PDE7B: variants seen among roughly 807,000 people sequenced by gnomAD.
The protein encoded by PDE7B is 3',5'-cyclic-AMP phosphodiesterase 7B.
A neutral mutation model predicts 56.2 loss-of-function variants in PDE7B; 29 were observed. The ratio of observed to expected loss-of-function variants is 0.52; its 90% CI spans 0.38 to 0.70. PDE7B has a LOEUF of 0.70. Among genes scored for constraint, PDE7B ranks in the 30% least tolerant of loss-of-function variants. The pLI is 0.00. For synonymous variants in PDE7B, 197 were observed against 196.9 expected (o/e 1.00, Z 0.00); for missense variants, 490 against 565.0 (o/e 0.87, Z 1.35).
rs188123216 is a variant in PDE7B at position 135,935,119 on chromosome 6, G to T, written c.22-12345G>T. Among the ~76,000 whole-genome samples, 519 of 89,102 alleles carry T rather than the reference G, an allele frequency of 5.8e-3. 29 individuals are homozygous for T. The highest frequency in any genetic ancestry group is 0.024 in the African/African-American group (470 of 19,374). The allele number at this position is 89,102 out of a possible 152,430, so 58.5% of individuals were successfully genotyped here. The stretch of plus-strand genomic sequence containing the variant: ...TATATTTCTCTATATATTTTATATA[G>T]AGAGAGATGAAGTATATATTTATAT... On this transcript the variant is annotated intron_variant, in intron 1 of 12. Coordinates refer to ENST00000308191, the MANE Select transcript of PDE7B (RefSeq NM_018945.4).
At chr6:136,006,272 G>C (rs1350270778) in intron 2 of PDE7B, among the ~76,000 whole-genome samples, 13 of 150,958 alleles carry the variant, frequency 8.6e-5, no homozygotes, top group Admixed American at 8.6e-4. Context: ...GAGTTAATGG[G>C]TGCAGCACAC....
intron 8 of PDE7B, among the ~76,000 whole-genome samples, chr6:136,170,461 C>T (rs1438058438): frequency 6.6e-6 from 1 of 152,066 alleles, no homozygotes; most frequent in Non-Finnish European, 1.5e-5. Flanking sequence ...CCTGTTCCTC[C>T]CTCCCCTTAG....
chr6:135,936,659 TC>T (rs1347141505), intron 1 of PDE7B, among the ~76,000 whole-genome samples: 2 of 152,146 alleles, frequency 1.3e-5, no homozygotes, highest in African/African-American at 4.8e-5. Context: ...GGAATGATTT[TC>T]TTGAAGTGCA....
intron 2 of PDE7B, among the ~76,000 whole-genome samples, chr6:136,079,085 G>A (rs1777166477): frequency 6.6e-6 from 1 of 152,066 alleles, no homozygotes; most frequent in Non-Finnish European, 1.5e-5. Context: ...TCCATTCTAA[G>A]TTGAAATCTT....
chr6:136,179,251 G>A, intron 10 of PDE7B, 110 bp downstream of exon 10: 1 of 926,572 alleles, frequency 1.1e-6, no homozygotes, highest in Non-Finnish European at 1.7e-6. Flanking sequence ...TGAGGCATGG[G>A]GATCACTTGA....
chr6:136,183,410 G>A (rs1389488708), intron 11 of PDE7B, among the ~76,000 whole-genome samples: 1 of 151,808 alleles, frequency 6.6e-6, no homozygotes, highest in Non-Finnish European at 1.5e-5. Context: ...CGGCTAACAC[G>A]GTGAAACCCC....
chr6:136,128,795 C>T (rs1024491222), intron 3 of PDE7B, among the ~76,000 whole-genome samples: 1 of 152,120 alleles, frequency 6.6e-6, no homozygotes, highest in Non-Finnish European at 1.5e-5. Context: ...GAGCCCAGCA[C>T]AAAACACTAG....
At chr6:135,854,415 C>G (rs1461732288) in intron 1 of PDE7B, among the ~76,000 whole-genome samples, 2 of 152,140 alleles carry the variant, frequency 1.3e-5, no homozygotes, top group Non-Finnish European at 2.9e-5. Flanking sequence ...TGATTGGAAA[C>G]TCTCTATCTA....
chr6:136,049,179 T>C (rs1390506072), intron 2 of PDE7B: 1 of 152,570 alleles, frequency 6.6e-6, no homozygotes, highest in African/African-American at 2.4e-5. Context: ...CACAGCTCAC[T>C]GCAGCCTTGA....
intron 2 of PDE7B, among the ~76,000 whole-genome samples, chr6:136,090,629 C>A (rs1297424290): frequency 6.6e-6 from 1 of 152,136 alleles, no homozygotes; most frequent in Non-Finnish European, 1.5e-5. Flanking sequence ...CCTTTCTCAG[C>A]TCTGGTTTGG....
chr6:136,062,408 A>G (rs1277501441), intron 2 of PDE7B, among the ~76,000 whole-genome samples: 1 of 152,226 alleles, frequency 6.6e-6, no homozygotes, highest in African/African-American at 2.4e-5. Context: ...AAGCTCTTAG[A>G]GAATTCCAAG....
chr6:135,852,827 A>C (rs1414332493), intron 1 of PDE7B, among the ~76,000 whole-genome samples: 2 of 152,248 alleles, frequency 1.3e-5, no homozygotes, highest in Non-Finnish European at 2.9e-5. Flanking sequence ...CTAATTAATC[A>C]TTTAAAAATT....
intron 2 of PDE7B, among the ~76,000 whole-genome samples, chr6:136,100,244 C>A (rs1378749368): frequency 1.3e-5 from 2 of 152,116 alleles, no homozygotes; most frequent in Non-Finnish European, 2.9e-5. Context: ...TTAGGATTGT[C>A]TTGGCTATGC....
chr6:135,855,011 A>T (rs1774999913), intron 1 of PDE7B, among the ~76,000 whole-genome samples: 1 of 152,166 alleles, frequency 6.6e-6, no homozygotes, highest in African/African-American at 2.4e-5. Flanking sequence ...TGATTTCATG[A>T]AGTGCACTAG....
At chr6:136,163,191 C>T (rs990233442) in intron 8 of PDE7B, among the ~76,000 whole-genome samples, 3 of 152,236 alleles carry the variant, frequency 2.0e-5, no homozygotes, top group Non-Finnish European at 2.9e-5. Context: ...TCTGCCCCTA[C>T]AGAAACTCAT....
intron 3 of PDE7B, among the ~76,000 whole-genome samples, chr6:136,130,522 T>A (rs1231929675): frequency 6.6e-6 from 1 of 152,192 alleles, no homozygotes; most frequent in Non-Finnish European, 1.5e-5. Flanking sequence ...TCTTTCTTTT[T>A]CTTGCTCATA....
chr6:136,056,193 T>A (rs1414158776), intron 2 of PDE7B, among the ~76,000 whole-genome samples: 1 of 152,152 alleles, frequency 6.6e-6, no homozygotes. Flanking sequence ...CTCACCAAGG[T>A]CAAGGTCGAC....
At chr6:135,864,553 A>C (rs892131442) in intron 1 of PDE7B, among the ~76,000 whole-genome samples, 3 of 152,088 alleles carry the variant, frequency 2.0e-5, no homozygotes, top group Non-Finnish European at 2.9e-5. Flanking sequence ...TCTGTTGATA[A>C]GTCAGAAAAT....
At chr6:135,910,002 G>A (rs1776185306) in intron 1 of PDE7B, among the ~76,000 whole-genome samples, 1 of 152,214 alleles carries the variant, frequency 6.6e-6, no homozygotes, top group African/African-American at 2.4e-5. Flanking sequence ...GACTGTTCCT[G>A]TTGCTTGCTA....
Sources: allele counts gnomAD v4.1 joint callset (sites outside exome capture counted in the v4.1 genomes callset), GRCh38; gene constraint gnomAD v4.1.1; transcripts MANE v1.5; gene names NCBI Gene and HGNC (gene_info 2026-07-23, HGNC 2026-07-21).